Variants in PLCL1 observed in about 807,000 individuals in gnomAD.
PLCL1 encodes inactive phospholipase C-like protein 1.
In PLCL1, 41 loss-of-function variants were observed where a neutral mutation model predicts 84.4. The ratio of observed to expected loss-of-function variants is 0.49; its 90% CI spans 0.38 to 0.63. The LOEUF (loss-of-function observed/expected upper bound fraction) is 0.63. Ranked by LOEUF, PLCL1 falls within the 30% of genes least tolerant of loss-of-function variation. PLCL1 has a pLI of 0.00. For synonymous variants in PLCL1, 490 were observed against 488.3 expected, an observed-to-expected ratio of 1.00 and a Z score of -0.05; for missense variants, 1,206 against 1,367.8, an observed-to-expected ratio of 0.88 and a Z score of 1.87.
chr2:197,863,024 G>A (rs1687462405), intron 1 of PLCL1, among the ~76,000 whole-genome samples: 1 of 152,116 alleles, frequency 6.6e-6, no homozygotes, highest in Non-Finnish European at 1.5e-5. Flanking sequence ...CGCAGTAGAT[G>A]CTCAATAATA....
At chr2:197,812,077 A>G (rs1690598637) in intron 1 of PLCL1, among the ~76,000 whole-genome samples, 1 of 152,086 alleles carries the variant, frequency 6.6e-6, no homozygotes, top group African/African-American at 2.4e-5. Context: ...TTGGTTTTCT[A>G]TTTCTGCATT....
chr2:198,080,445 G>T (rs368735294), intron 1 of PLCL1, among the ~76,000 whole-genome samples: 2 of 152,140 alleles, frequency 1.3e-5, no homozygotes, highest in African/African-American at 4.8e-5. Flanking sequence ...AGATGTAGGG[G>T]TGTAGGACTC....
chr2:198,032,592 A>G lies in PLCL1; in HGVS notation c.241-51166A>G, dbSNP rs151245546. On this transcript the variant is annotated intron_variant, in intron 1 of 5. Transcript: ENST00000428675. ...TTTTAGGCCAGTACATCTCAAATCT[A>G]GTTTATGGATGGATTTCCTGGTTTG... Among the ~76,000 whole-genome samples the G allele has an allele frequency of 6.6e-5, 10 of 152,142 alleles. No individual in the cohort carries two copies. The East Asian group carries it at 1.9e-3, about 29-fold the overall frequency.
At chr2:197,923,029 G>A (rs1166639219) in intron 1 of PLCL1, among the ~76,000 whole-genome samples, 13 of 114,936 alleles carry the variant, frequency 1.1e-4, no homozygotes, top group South Asian at 3.2e-4. Flanking sequence ...AGGGGCGGCC[G>A]GGCAGAGGCG....
chr2:198,079,682 G>A (rs1364993280), intron 1 of PLCL1, among the ~76,000 whole-genome samples: 1 of 152,106 alleles, frequency 6.6e-6, no homozygotes, highest in Non-Finnish European at 1.5e-5. Context: ...GATCCAAAAT[G>A]TGAAATATTA....
At chr2:197,930,437 T>C (rs1289646390) in intron 1 of PLCL1, among the ~76,000 whole-genome samples, 1 of 152,182 alleles carries the variant, frequency 6.6e-6, no homozygotes, top group Non-Finnish European at 1.5e-5. Context: ...GGAAAGATCT[T>C]TGGGTTCTTT....
At chr2:198,075,168 C>T (rs1175057468) in intron 1 of PLCL1, among the ~76,000 whole-genome samples, 1 of 152,182 alleles carries the variant, frequency 6.6e-6, no homozygotes, top group Non-Finnish European at 1.5e-5. Context: ...GATTCCTGGG[C>T]CCTGCTGTGC....
intron 1 of PLCL1, among the ~76,000 whole-genome samples, chr2:197,935,878 G>A (rs1198328986): frequency 6.6e-6 from 1 of 152,104 alleles, no homozygotes; most frequent in African/African-American, 2.4e-5. Flanking sequence ...CTGACACTTT[G>A]CACCCCTTGA....
rs561629245 is a variant in PLCL1 at position 197,829,525 on chromosome 2, A to T, written c.240+24186A>T. On this transcript the variant is annotated intron_variant, in intron 1 of 5. Coordinates refer to ENST00000428675, the MANE Select transcript of PLCL1 (RefSeq NM_006226.4). ...GTTAAGAAATTAACTTATTTAATAA[A>T]TTAATTTTCTTCTTTTTAAAAGAGG... Among the ~76,000 whole-genome samples the T allele has an allele frequency of 1.2e-4, 19 of 152,318 alleles. No individual in the cohort carries two copies. In the South Asian group the frequency reaches 3.7e-3, roughly 30 times the overall value.
intron 1 of PLCL1, among the ~76,000 whole-genome samples, chr2:197,861,569 G>C (rs1687434758): frequency 6.6e-6 from 1 of 152,198 alleles, no homozygotes; most frequent in African/African-American, 2.4e-5. Flanking sequence ...AGAAGCACAG[G>C]TAAAATAACC....
intron 1 of PLCL1, among the ~76,000 whole-genome samples, chr2:198,070,578 T>C (rs987948016): frequency 6.6e-6 from 1 of 152,042 alleles, no homozygotes; most frequent in African/African-American, 2.4e-5. Context: ...TCTGACATGA[T>C]ATTTAAGGGC....
At position 198,074,349 on chromosome 2, in the gene PLCL1, C is replaced by T. The variant is rs370538188; in HGVS notation, c.241-9409C>T. On this transcript the variant is annotated intron_variant, in intron 1 of 5. Transcript: ENST00000428675. The stretch of plus-strand genomic sequence containing the variant: ...CTGTTCTAAAACTTAGCTCCAATAA[C>T]ACTCTATGATAATAAATGGCAAAAC... 1.1e-4 allele frequency among the ~76,000 whole-genome samples: 16 copies of T among 152,246 alleles called. 1 individual carries two copies. Among genetic ancestry groups the T allele is most frequent in the African/African-American group, 3.9e-4 (16 of 41,552 alleles).
intron 1 of PLCL1, among the ~76,000 whole-genome samples, chr2:197,825,961 T>C (rs1276984277): frequency 1.3e-5 from 2 of 152,228 alleles, no homozygotes; most frequent in Admixed American, 1.3e-4. Flanking sequence ...TAGCAGTTCC[T>C]CTAATAAAGA....
chr2:197,966,893 C>T (rs1689754778), intron 1 of PLCL1, among the ~76,000 whole-genome samples: 1 of 145,494 alleles, frequency 6.9e-6, no homozygotes, highest in Admixed American at 7.0e-5. Context: ...CTCTGTCGCC[C>T]AGGCTGGAGT....
chr2:197,921,954 A>G (rs932187208), intron 1 of PLCL1, among the ~76,000 whole-genome samples: 2 of 150,620 alleles, frequency 1.3e-5, no homozygotes, highest in African/African-American at 2.4e-5. Flanking sequence ...TATCTAGCAG[A>G]ATTCTAGGTA....
intron 1 of PLCL1, among the ~76,000 whole-genome samples, chr2:197,975,229 G>A (rs1689954365): frequency 6.8e-6 from 1 of 146,698 alleles, no homozygotes; most frequent in Admixed American, 6.8e-5. Context: ...AATGCCAGTT[G>A]TTTTGCATAG....
At chr2:198,028,391 G>A (rs188264945) in intron 1 of PLCL1, among the ~76,000 whole-genome samples, 7 of 152,166 alleles carry the variant, frequency 4.6e-5, no homozygotes, top group East Asian at 3.9e-4. Flanking sequence ...CCCTTGCTAC[G>A]GATGTGGGCT....
intron 1 of PLCL1, among the ~76,000 whole-genome samples, chr2:197,936,848 T>G: frequency 6.6e-6 from 1 of 152,190 alleles, no homozygotes; most frequent in East Asian, 1.9e-4. Flanking sequence ...TACAAAAAAA[T>G]CATTGCCTAG....
intron 5 of PLCL1, among the ~76,000 whole-genome samples, chr2:198,116,019 A>G (rs1693739746): frequency 1.3e-5 from 2 of 148,256 alleles, no homozygotes; most frequent in African/African-American, 4.9e-5. Flanking sequence ...AAATATATAA[A>G]TATACATGTA....
Sources: gnomAD v4.1 joint callset for allele counts (sites outside exome capture counted in the v4.1 genomes callset) on GRCh38, gnomAD v4.1.1 for gene constraint, MANE v1.5 for transcripts, NCBI Gene and HGNC (gene_info 2026-07-23, HGNC 2026-07-21) for gene names.